The following CNNM4 variants were observed in gnomAD, a reference collection of about 807,000 sequenced individuals.
CNNM4 encodes cyclin and CBS domain divalent metal cation transport mediator 4.
A neutral mutation model predicts 53.7 loss-of-function variants in CNNM4; 32 were observed. That is an observed-to-expected ratio of 0.60 (90% confidence interval 0.45 to 0.80). The LOEUF is 0.80. Among genes scored for constraint, CNNM4 ranks in the 30% least tolerant of loss-of-function variants. CNNM4 has a pLI of 0.00. For missense variants in CNNM4, 784 were observed against 1,022.0 expected (o/e 0.77, Z 3.17); for synonymous variants, 410 against 440.0 (o/e 0.93, Z 0.85).
Position 96,800,724 on chromosome 2 carries a change from G to C in CNNM4, c.1948+1076G>C, listed in dbSNP as rs183632544. On this transcript the variant is annotated intron_variant, in intron 5 of 6. Coordinates refer to ENST00000377075, the MANE Select transcript of CNNM4 (RefSeq NM_020184.4). The surrounding 1 kb of genome is among the most constrained non-coding windows in gnomAD (Gnocchi z 4.6). ...TTGAGGAAATCTCATTCAGAAGGGC[G>C]GGCAGGCACGGGAGGCTTCCCCCAG... Among the ~76,000 whole-genome samples the C allele has an allele frequency of 5.9e-5, 9 of 152,358 alleles. No individual in the cohort carries two copies. Among genetic ancestry groups the C allele is most frequent in the Admixed American group, 4.6e-4 (7 of 15,308 alleles).
In CNNM4 at chr2:96,808,773, G is replaced by A; in HGVS notation, c.2130+31G>A. 3.1e-6 allele frequency: 5 copies of A among 1,603,404 alleles called. No individual in the cohort carries two copies. Among genetic ancestry groups the A allele is most frequent in the Non-Finnish European group, 4.3e-6 (5 of 1,170,456 alleles). ...TGCCTCACTGCCCTGTCTGGGCAGT[G>A]CTATCTTCTGCTCAGGAATCAGCTA... is the stretch of plus-strand genomic sequence containing the variant. On this transcript the variant is annotated intron_variant, in intron 6 of 6. Transcript: ENST00000377075. This position sits in a 1 kb window ranked among gnomAD's most constrained non-coding sequence, Gnocchi z 4.9.
At chr2:96,796,104 C>T (rs1176747711) in intron 1 of CNNM4, among the ~76,000 whole-genome samples, 1 of 146,744 alleles carries the variant, frequency 6.8e-6, no homozygotes, top group Non-Finnish European at 1.5e-5. Flanking sequence ...GTTCCAGAAG[C>T]CCCTGATAAG....
At chr2:96,783,094 G>T (rs1288662192) in intron 1 of CNNM4, among the ~76,000 whole-genome samples, 1 of 152,116 alleles carries the variant, frequency 6.6e-6, no homozygotes, top group Non-Finnish European at 1.5e-5. Context: ...AGGTTGATTT[G>T]CCTGTGGATT....
chr2:96,793,591 C>T (rs922285089), intron 1 of CNNM4, among the ~76,000 whole-genome samples: 21 of 152,162 alleles, frequency 1.4e-4, no homozygotes, highest in South Asian at 2.1e-4. Context: ...AGAGAGGAGG[C>T]GGGGGGCGGA....
rs140192152 is a variant in CNNM4, at chr2:96,797,150, T to C, written c.1541T>C (p.Met514Thr). The C allele has an allele frequency of 3.5e-4, 560 of 1,614,124 alleles. 1 individual carries two copies. The African/African-American group carries it at 6.5e-3, about 19-fold the overall frequency. The change falls in exon 2 of 7, where the codon ATG becomes ACG. Residue 514 changes from methionine (M) to threonine (T), a missense_variant. By Grantham distance (81) the Met-to-Thr change is moderately conservative. Around this residue, in one of 3 missense-constraint regions of CNNM4, gnomAD observed 307 missense variants for 376.3 expected, o/e 0.82. Transcript: ENST00000377075. This position sits in a 1 kb window ranked among gnomAD's most constrained non-coding sequence, Gnocchi z 6.0. The part of the protein sequence containing the change: ...IKSEILDESD[M>T]YTDNRSRKRV... ...TCGGAGATCCTGGACGAGTCCGACA[T>C]GTACAGTGAGTCCAGCCTTCCACAG... is the stretch of plus-strand genomic sequence containing the variant.
intron 1 of CNNM4, among the ~76,000 whole-genome samples, chr2:96,765,777 T>TTTTC (rs200888938): frequency 1.3e-3 from 200 of 150,316 alleles, no homozygotes; most frequent in Middle Eastern, 3.5e-3. Flanking sequence ...GCTGTTCTTT[T>TTTTC]TTTCTTTCTT....
At position 96,769,426 on chromosome 2, in the gene CNNM4, G is replaced by A. The variant is rs1272060613; in HGVS notation, c.1402+7025G>A. On this transcript the variant is annotated intron_variant, in intron 1 of 6. Transcript: ENST00000377075. ...TCTACTAAAAATACAAAAATTAGGCGTGGTGGTGGGTGCCTGTAATCCCAG... is the reference window on the plus strand; with the variant it reads ...TCTACTAAAAATACAAAAATTAGGCATGGTGGTGGGTGCCTGTAATCCCAG... Among the ~76,000 whole-genome samples, 15 of 151,756 alleles carry A rather than the reference G, an allele frequency of 9.9e-5. No individual in the cohort carries two copies. In the Middle Eastern group the frequency reaches 0.01, roughly 103 times the overall value.
At chr2:96,796,618 A>G (rs1574077925) in intron 1 of CNNM4, among the ~76,000 whole-genome samples, 1 of 151,956 alleles carries the variant, frequency 6.6e-6, no homozygotes, top group African/African-American at 2.4e-5. Context: ...AGAGTTAGCC[A>G]GGCATGGTGG....
At position 96,784,264 on chromosome 2, in the gene CNNM4, C is replaced by CA. The variant is rs893380394; in HGVS notation, c.1403-12739dup. Among the ~76,000 whole-genome samples, 18 of 145,738 alleles carry CA rather than the reference C, an allele frequency of 1.2e-4. 1 individual carries two copies. Among genetic ancestry groups the CA allele is most frequent in the Middle Eastern group, 3.5e-3 (1 of 288 alleles). ...CCTGGGTGGCAGCAAGACCTTGTCTCAAAAAAAAAGAAAAAAAAAGTCCTT... is the reference window on the plus strand; with the variant it reads ...CCTGGGTGGCAGCAAGACCTTGTCTCAAAAAAAAAAGAAAAAAAAAGTCCTT... On this transcript the variant is annotated intron_variant, in intron 1 of 6. Coordinates refer to ENST00000377075, the MANE Select transcript of CNNM4 (RefSeq NM_020184.4).
At chr2:96,795,928 C>T (rs985580004) in intron 1 of CNNM4, among the ~76,000 whole-genome samples, 1 of 152,064 alleles carries the variant, frequency 6.6e-6, no homozygotes, top group Non-Finnish European at 1.5e-5. Flanking sequence ...TGGGAAGACC[C>T]ACCACCCCAC....
intron 1 of CNNM4, among the ~76,000 whole-genome samples, chr2:96,772,593 GCTCA>G (rs1489394141): frequency 1.3e-4 from 16 of 125,154 alleles, no homozygotes; most frequent in African/African-American, 3.4e-4. Flanking sequence ...ACAGGCAGGC[GCTCA>G]CTCACACATG....
rs369283007 is a variant in CNNM4 at position 96,797,127 on chromosome 2, G to A, written c.1518G>A (p.Ser506=). Residue 506 remains serine, a synonymous_variant, in exon 2 of 7, where the codon TCG becomes TCA. Transcript: ENST00000377075. This position sits in a 1 kb window ranked among gnomAD's most constrained non-coding sequence, Gnocchi z 6.0. ...LEDVIEEIIK[S]EILDESDMYT... Reference sequence around the variant, plus strand: ...ACGTGATCGAGGAGATCATCAAGTCGGAGATCCTGGACGAGTCCGACATGT... The same window carrying A: ...ACGTGATCGAGGAGATCATCAAGTCAGAGATCCTGGACGAGTCCGACATGT... 15 of 1,614,162 alleles carry A rather than the reference G, an allele frequency of 9.3e-6. No individual in the cohort carries two copies. The highest frequency in any genetic ancestry group is 4.4e-5 in the South Asian group (4 of 91,086).
At chr2:96,776,560 A>G (rs1208348310) in intron 1 of CNNM4, among the ~76,000 whole-genome samples, 1 of 152,174 alleles carries the variant, frequency 6.6e-6, no homozygotes, top group Non-Finnish European at 1.5e-5. Context: ...ATGGAGCACC[A>G]GGTCTTATTT....
Position 96,809,612 on chromosome 2 carries a change from T to C in CNNM4, c.*95T>C, listed in dbSNP as rs138947618. On this transcript the variant is annotated 3_prime_UTR_variant, in exon 7 of 7. Transcript: ENST00000377075. ...CCTGTTAGTCCAGAAAGGATACGGA[T>C]AGATAGCCTGTCTGACTGAACAGCC... The C allele has an allele frequency of 3.1e-3, 3,434 of 1,120,124 alleles. 14 individuals carry two copies. Among genetic ancestry groups the C allele is most frequent in the Non-Finnish European group, 3.9e-3 (2,935 of 759,194 alleles). The allele number at this position is 1,120,124 out of a possible 1,614,324, so 69.4% of individuals were successfully genotyped here. A position where few individuals can be genotyped will look rare whatever the true frequency, so the allele number is the denominator to read the frequency against.
chr2:96,786,321 G>A (rs2079015836), intron 1 of CNNM4, among the ~76,000 whole-genome samples: 1 of 151,694 alleles, frequency 6.6e-6, no homozygotes, highest in Non-Finnish European at 1.5e-5. Context: ...AGATGAGGCA[G>A]GAGAATTGCT....
chr2:96,794,838 T>G (rs1222049702), intron 1 of CNNM4, among the ~76,000 whole-genome samples: 2 of 152,168 alleles, frequency 1.3e-5, no homozygotes, highest in African/African-American at 2.4e-5. Context: ...TTCCCCATCC[T>G]CCACCATAAC....
In CNNM4 at chr2:96,801,545, C is replaced by CCA. The variant is rs564879616; in HGVS notation, c.1948+1908_1948+1909dup. On this transcript the variant is annotated intron_variant, in intron 5 of 6. Coordinates refer to ENST00000377075, the MANE Select transcript of CNNM4 (RefSeq NM_020184.4). The surrounding 1 kb of genome is among the most constrained non-coding windows in gnomAD (Gnocchi z 5.6). Reference sequence around the variant, plus strand: ...CAGAGATAGCACACACACAGAGAGACCACACACACACAGAGACCACACACA... The same window carrying CCA: ...CAGAGATAGCACACACACAGAGAGACCACACACACACACAGAGACCACACACA... Among the ~76,000 whole-genome samples, 1 of 142,258 alleles carries CCA rather than the reference C, an allele frequency of 7.0e-6. No homozygotes were observed. Among genetic ancestry groups the CCA allele is most frequent in the Non-Finnish European group, 1.5e-5 (1 of 65,778 alleles). 93.3% of individuals were successfully genotyped at this position (142,258 alleles called of 152,430 possible).
At chr2:96,778,320 G>A (rs887130062) in intron 1 of CNNM4, among the ~76,000 whole-genome samples, 2 of 151,612 alleles carry the variant, frequency 1.3e-5, no homozygotes, top group South Asian at 4.1e-4. Context: ...CACTTTTGGA[G>A]GCCGAGGCAG....
intron 1 of CNNM4, among the ~76,000 whole-genome samples, chr2:96,776,972 T>A (rs2078930632): frequency 6.6e-6 from 1 of 152,114 alleles, no homozygotes; most frequent in African/African-American, 2.4e-5. Context: ...CATTTTTATA[T>A]GCTTATTGTC....
Sources: gnomAD v4.1 joint callset for allele counts (sites outside exome capture counted in the v4.1 genomes callset) on GRCh38, gnomAD v4.1.1 for gene constraint, gnomAD v4.1.1 regional missense constraint, Gnocchi (gnomAD v3.1) non-coding constraint, MANE v1.5 for transcripts, NCBI Gene and HGNC (gene_info 2026-07-23, HGNC 2026-07-21) for gene names.